CAST: variants seen among roughly 807,000 people sequenced by gnomAD.
CAST encodes MIR583 host.
In CAST, 76 loss-of-function variants were observed where a neutral mutation model predicts 119.6. That is an observed-to-expected ratio of 0.64 (90% CI 0.53 to 0.77). The LOEUF (loss-of-function observed/expected upper bound fraction) is 0.77. Among genes scored for constraint, CAST ranks in the 30% least tolerant of loss-of-function variants. CAST has a pLI of 0.00. For missense variants in CAST, 953 were observed against 946.5 expected (o/e 1.01, Z -0.09); for synonymous variants, 319 against 331.6 (o/e 0.96, Z 0.41).
At chr5:96,152,234 C>G in the CAST span, among the ~76,000 whole-genome samples, 466 of 152,298 alleles carry the variant, frequency 3.1e-3, 1 homozygote, top group Non-Finnish European at 3.8e-3. Context: ...AATGACTCAC[C>G]TTTGCTGATA....
At chr5:96,752,820 T>G (rs1005964132) in intron 20 of CAST, among the ~76,000 whole-genome samples, 1 of 152,040 alleles carries the variant, frequency 6.6e-6, no homozygotes, top group African/African-American at 2.4e-5. Flanking sequence ...ACTCTGAGAT[T>G]GTTTGACCCA....
intron 1 of CAST, among the ~76,000 whole-genome samples, chr5:96,557,579 C>T (rs1165953123): frequency 6.6e-6 from 1 of 152,234 alleles, no homozygotes; most frequent in East Asian, 1.9e-4. Context: ...ATAAAACAGA[C>T]TTTAAACCAA....
the CAST span, among the ~76,000 whole-genome samples, chr5:96,290,722 A>G: frequency 1.3e-5 from 2 of 152,204 alleles, no homozygotes; most frequent in East Asian, 3.8e-4. Context: ...ATGACATTTA[A>G]TTAGAATGTT....
At chr5:96,682,680 A>G (rs746141741) in intron 2 of CAST, among the ~76,000 whole-genome samples, 3 of 152,076 alleles carry the variant, frequency 2.0e-5, no homozygotes, top group Non-Finnish European at 2.9e-5. Flanking sequence ...TGATGAGCAC[A>G]TTGTCCTTAG....
At chr5:96,293,755 G>GATT in the CAST span, among the ~76,000 whole-genome samples, 21 of 151,836 alleles carry the variant, frequency 1.4e-4, no homozygotes, top group Non-Finnish European at 1.3e-4. Flanking sequence ...GTAAATGCCA[G>GATT]ATTATTATTA....
At chr5:96,456,623 A>AT in the CAST span, among the ~76,000 whole-genome samples, 1 of 152,240 alleles carries the variant, frequency 6.6e-6, no homozygotes, top group Non-Finnish European at 1.5e-5. Context: ...TAAACAATTG[A>AT]GTGCCTACCC....
the CAST span, among the ~76,000 whole-genome samples, chr5:96,431,024 C>A: frequency 7.2e-5 from 11 of 152,192 alleles, no homozygotes; most frequent in South Asian, 1.0e-3. Flanking sequence ...TGCTGTCTTC[C>A]CCAGTCTCCT....
At chr5:96,354,461 G>A in the CAST span, among the ~76,000 whole-genome samples, 3,480 of 151,864 alleles carry the variant, frequency 0.023, 145 homozygotes, top group African/African-American at 0.079. Flanking sequence ...AATCAATAAT[G>A]CCTGAGATTC....
intron 3 of CAST, among the ~76,000 whole-genome samples, chr5:96,717,389 G>A (rs1310252155): frequency 6.6e-6 from 1 of 152,198 alleles, no homozygotes; most frequent in African/African-American, 2.4e-5. Flanking sequence ...TAGGCAGGGG[G>A]AATGGCAAGT....
chr5:96,591,095 A>C (rs1434338176), intron 1 of CAST, among the ~76,000 whole-genome samples: 1 of 152,200 alleles, frequency 6.6e-6, no homozygotes, highest in Admixed American at 6.5e-5. Flanking sequence ...CTCTTCCCTT[A>C]CTAAAAGTAC....
At chr5:96,353,364 A>T in the CAST span, among the ~76,000 whole-genome samples, 1 of 152,170 alleles carries the variant, frequency 6.6e-6, no homozygotes, top group Admixed American at 6.6e-5. Context: ...ATCCAAACTT[A>T]TATGACCTAA....
chr5:96,477,337 A>G, the CAST span, among the ~76,000 whole-genome samples: 58 of 151,774 alleles, frequency 3.8e-4, no homozygotes, highest in African/African-American at 1.4e-3. Flanking sequence ...CAGCTGGGGC[A>G]TTTCTGGTCT....
At chr5:96,612,860 CACATATATACAT>C (rs1355749887) in intron 1 of CAST, among the ~76,000 whole-genome samples, 2 of 152,250 alleles carry the variant, frequency 1.3e-5, no homozygotes, top group Non-Finnish European at 2.9e-5. Context: ...TAAATATACA[CACATATATACAT>C]ACATACACAC....
intron 1 of CAST, among the ~76,000 whole-genome samples, chr5:96,669,962 A>G (rs911157470): frequency 6.6e-6 from 1 of 152,200 alleles, no homozygotes; most frequent in African/African-American, 2.4e-5. Flanking sequence ...CCCTGACACA[A>G]ATGTTTCTAA....
At chr5:96,756,232 G>A (rs1038166014) in intron 22 of CAST, among the ~76,000 whole-genome samples, 19 of 152,140 alleles carry the variant, frequency 1.2e-4, no homozygotes, top group African/African-American at 4.6e-4. Flanking sequence ...GCAGAATGAC[G>A]CAGTGATGGA....
chr5:96,558,898 C>T (rs184662481), intron 1 of CAST, among the ~76,000 whole-genome samples: 15 of 151,722 alleles, frequency 9.9e-5, no homozygotes, highest in Admixed American at 9.2e-4. Flanking sequence ...GGCAGAGACA[C>T]AACAAAAAAA....
At chr5:96,492,468 T>A in the CAST span, among the ~76,000 whole-genome samples, 2 of 152,232 alleles carry the variant, frequency 1.3e-5, no homozygotes, top group African/African-American at 4.8e-5. Context: ...TATCAGCTAC[T>A]GGGGTCTATT....
chr5:96,713,859 C>T (rs1756696267), intron 3 of CAST, among the ~76,000 whole-genome samples: 1 of 152,070 alleles, frequency 6.6e-6, no homozygotes, highest in African/African-American at 2.4e-5. Flanking sequence ...CCTGTAGTCC[C>T]AGCTACTTGG....
At chr5:95,980,068 A>G in the CAST span, among the ~76,000 whole-genome samples, 1 of 152,088 alleles carries the variant, frequency 6.6e-6, no homozygotes, top group African/African-American at 2.4e-5. Flanking sequence ...CCGTGAGCCA[A>G]GGTCACACCA....
Sources: allele counts gnomAD v4.1 joint callset (sites outside exome capture counted in the v4.1 genomes callset), GRCh38; gene constraint gnomAD v4.1.1; transcripts MANE v1.5; gene names NCBI Gene and HGNC (gene_info 2026-07-23, HGNC 2026-07-21).